The following TIGD7 variants were observed in gnomAD, a reference collection of about 807,000 sequenced individuals.
TIGD7 encodes tigger transposable element derived 7.
In TIGD7, 26 loss-of-function variants were observed where a neutral mutation model predicts 24.8. That is an observed-to-expected ratio of 1.05 (90% CI 0.77 to 1.45). TIGD7 has a LOEUF of 1.45. Ranked by LOEUF, TIGD7 falls within the 40% of genes most tolerant of loss-of-function variation. The pLI is 0.00. For synonymous variants in TIGD7, 221 were observed against 224.1 expected (o/e 0.99, Z 0.12); for missense variants, 679 against 641.6 (o/e 1.06, Z -0.63).
Position 3,300,641 on chromosome 16 carries a change from A to T in TIGD7, c.-27T>A, listed in dbSNP as rs2150779870. On this transcript the variant is annotated 5_prime_UTR_variant, in exon 2 of 2. Transcript: ENST00000396862. ...CTGAATTTAACTCTGAACCACCAAC[A>T]GGAGAAAACAAAGGGAAAAGCCTTA... 6.6e-7 allele frequency: 1 copy of T among 1,526,182 alleles called. No individual in the cohort carries two copies. 94.5% of individuals were successfully genotyped at this position (1,526,182 alleles called of 1,614,324 possible).
chr16:3,303,957 C>G (rs1270597122), intron 1 of TIGD7: 2 of 152,192 alleles, frequency 1.3e-5, no homozygotes, highest in African/African-American at 2.4e-5. Flanking sequence ...CTCAGCCTCC[C>G]GAGTAGCTGG....
chr16:3,299,991 T>C lies in TIGD7; in HGVS notation c.624A>G (p.Glu208=), dbSNP rs971416938. 5.0e-6 allele frequency: 8 copies of C among 1,614,108 alleles called. No individual in the cohort carries two copies. The highest frequency in any genetic ancestry group is 6.8e-6 in the Non-Finnish European group (8 of 1,179,986). Residue 208 remains glutamate (E), a synonymous_variant, in exon 2 of 2, where the codon GAA becomes GAG. Transcript: ENST00000396862. The part of the protein sequence containing the change: ...ICLPGKKINK[E]RLSAFLCANA... The stretch of plus-strand genomic sequence containing the variant: ...TTGCACATAAAAAGGCAGACAACCT[T>C]TCTTTGTTTATTTTCTTCCCTGGTA...
chr16:3,300,691 C>T lies in TIGD7; in HGVS notation c.-77G>A, dbSNP rs1184511567. 9 of 1,508,548 alleles carry T rather than the reference C, an allele frequency of 6.0e-6. No individual in the cohort carries two copies. The highest frequency in any genetic ancestry group is 2.4e-5 in the Admixed American group (1 of 41,792). The allele number at this position is 1,508,548 out of a possible 1,614,324, so 93.4% of individuals were successfully genotyped here. A position where few individuals can be genotyped will look rare whatever the true frequency, so the allele number is the denominator to read the frequency against. On this transcript the variant is annotated 5_prime_UTR_variant, in exon 2 of 2. In the 5' UTR this introduces an upstream ATG that the reference lacks. Coordinates refer to ENST00000396862, the MANE Select transcript of TIGD7 (RefSeq NM_033208.4). ...AATGAATTGGCAAAAAAAAAACCCA[C>T]ATTTTTTAAACAAAACTTAGCTGAA...
At position 3,299,039 on chromosome 16, in the gene TIGD7, T is replaced by C; in HGVS notation, c.1576A>G (p.Ser526Gly). 1 of 1,380,772 alleles carries C rather than the reference T, an allele frequency of 7.2e-7. No individual in the cohort carries two copies. Among genetic ancestry groups the C allele is most frequent in the Non-Finnish European group, 9.4e-7 (1 of 1,060,920 alleles). The allele number at this position is 1,380,772 out of a possible 1,614,324, so 85.5% of individuals were successfully genotyped here. A position where few individuals can be genotyped will look rare whatever the true frequency, so the allele number is the denominator to read the frequency against. Residue 526 changes from serine (S) to glycine (G), a missense_variant, in exon 2 of 2, where the codon AGC becomes GGC. Coordinates refer to ENST00000396862, the MANE Select transcript of TIGD7 (RefSeq NM_033208.4). ...TTATGAGGCCTAGGTTTCAAAAAGCTACCAATTCTAGAATGGATTTTACTC... is the reference window on the plus strand; with the variant it reads ...TTATGAGGCCTAGGTTTCAAAAAGCCACCAATTCTAGAATGGATTTTACTC... ...FQSKIHSRIG[S>G]FLKPRPHNIK...
Position 3,301,914 on chromosome 16 carries a change from G to T in TIGD7, c.-1300C>A, listed in dbSNP as rs1475437888. The T allele has an allele frequency of 6.0e-6, 1 of 167,012 alleles. No individual in the cohort carries two copies. Among genetic ancestry groups the T allele is most frequent in the Non-Finnish European group, 1.5e-5 (1 of 68,126 alleles). The allele number at this position is 167,012 out of a possible 1,614,324, so 10.3% of individuals were successfully genotyped here. A position where few individuals can be genotyped will look rare whatever the true frequency, so the allele number is the denominator to read the frequency against. ...TCCCCAAAGCCATTCCAGGTCCTTAGAAATGTCTTAGTCTAGATTAATTTC... is the reference window on the plus strand; with the variant it reads ...TCCCCAAAGCCATTCCAGGTCCTTATAAATGTCTTAGTCTAGATTAATTTC... On this transcript the variant is annotated 5_prime_UTR_variant, in exon 2 of 2. Transcript: ENST00000396862.
In TIGD7 at chr16:3,300,378, A is replaced by C; in HGVS notation, c.237T>G (p.Asp79Glu). Reference sequence around the variant, plus strand: ...ACCACATGTAGACCGCATCATCTACATCACCATATTTGGCTCCCGTTGTCC... The same window carrying C: ...ACCACATGTAGACCGCATCATCTACCTCACCATATTTGGCTCCCGTTGTCC... ...RKRTTGAKYG[D>E]VDDAVYMWYQ... Residue 79 changes from aspartate (D) to glutamate (E), a missense_variant, in exon 2 of 2, where the codon GAT becomes GAG. Physicochemically the swap from Asp to Glu is conservative, Grantham distance 45 (BLOSUM62 2). Transcript: ENST00000396862. 1.2e-6 allele frequency: 2 copies of C among 1,614,222 alleles called. No individual in the cohort carries two copies. Among genetic ancestry groups the C allele is most frequent in the Non-Finnish European group, 1.7e-6 (2 of 1,180,038 alleles).
Position 3,299,751 on chromosome 16 carries a change from G to A in TIGD7, c.864C>T (p.Asp288=), listed in dbSNP as rs143146510. The A allele has an allele frequency of 8.3e-5, 129 of 1,545,996 alleles. No homozygotes were observed. Among genetic ancestry groups the A allele is most frequent in the Middle Eastern group, 3.5e-4 (2 of 5,742 alleles). ...QLNVLRFHDE[D]VRALLLLDSC... ...TGTCCAGAAGTAACAATGCCCTGACGTCCTCGTCATGAAATCTTAGAACAT... is the reference window on the plus strand; with the variant it reads ...TGTCCAGAAGTAACAATGCCCTGACATCCTCGTCATGAAATCTTAGAACAT... Residue 288 remains aspartate, a synonymous_variant, in exon 2 of 2, where the codon GAC becomes GAT. Transcript: ENST00000396862.
chr16:3,304,722 A>C (rs961615090), intron 1 of TIGD7: 1 of 152,208 alleles, frequency 6.6e-6, no homozygotes, highest in African/African-American at 2.4e-5. Flanking sequence ...TCAGATTCTT[A>C]TAACTATGAT....
At chr16:3,303,848 T>C (rs1960017323) in intron 1 of TIGD7, 1 of 152,478 alleles carries the variant, frequency 6.6e-6, no homozygotes, top group Non-Finnish European at 1.5e-5. Flanking sequence ...TGTTTTGTTT[T>C]TTGCGACGGA....
At chr16:3,304,568 G>A (rs1422626307) in intron 1 of TIGD7, among the ~76,000 whole-genome samples, 1 of 152,174 alleles carries the variant, frequency 6.6e-6, no homozygotes, top group African/African-American at 2.4e-5. Flanking sequence ...TTAATAAATA[G>A]TCCCTTGACT....
chr16:3,303,818 T>A (rs1253382569), intron 1 of TIGD7: 1 of 152,154 alleles, frequency 6.6e-6, no homozygotes, highest in Non-Finnish European at 1.5e-5. Flanking sequence ...TGCTCCAGGA[T>A]TTACTTTTTT....
Position 3,299,116 on chromosome 16 carries a change from A to T in TIGD7, c.1499T>A (p.Phe500Tyr). Reference protein sequence around the residue: ...FVDATPEFQRFHFTLKEMQQE... With the variant: ...FVDATPEFQRYHFTLKEMQQE... ...TTGCATCTCTTTCAGTGTGAAGTGG[A>T]ATCTCTGAAACTCAGGTGTGGCATC... is the stretch of plus-strand genomic sequence containing the variant. The change falls in exon 2 of 2, where the codon TTC (phenylalanine) becomes TAC (tyrosine). Residue 500 changes from phenylalanine (F) to tyrosine (Y), a missense_variant. By Grantham distance (22) the Phe-to-Tyr change is conservative. Transcript: ENST00000396862. 6.8e-7 allele frequency: 1 copy of T among 1,459,894 alleles called. No homozygotes were observed. The highest frequency in any genetic ancestry group is 9.0e-7 in the Non-Finnish European group (1 of 1,106,974). The allele number at this position is 1,459,894 out of a possible 1,614,324, so 90.4% of individuals were successfully genotyped here. A position where few individuals can be genotyped will look rare whatever the true frequency, so the allele number is the denominator to read the frequency against.
In TIGD7 at chr16:3,299,872, A is replaced by G; in HGVS notation, c.743T>C (p.Ile248Thr). 6.3e-7 allele frequency: 1 copy of G among 1,599,922 alleles called. No individual in the cohort carries two copies. Among genetic ancestry groups the G allele is most frequent in the East Asian group, 2.2e-5 (1 of 44,778 alleles). ...CCAAACATCTTTACTGGGTTTATAT[A>G]TCACAGGCAATGTACTTGTGTCCTC... Reference protein sequence around the residue: ...VKEDTSTLPVIYKPSKDVWFT... With the variant: ...VKEDTSTLPVTYKPSKDVWFT... The change falls in exon 2 of 2, where the codon ATA becomes ACA. Residue 248 changes from isoleucine to threonine, a missense_variant. Ile to Thr is a moderately conservative substitution (Grantham distance 89, BLOSUM62 -1). Coordinates refer to ENST00000396862, the MANE Select transcript of TIGD7 (RefSeq NM_033208.4).
Position 3,299,106 on chromosome 16 carries a change from T to C in TIGD7, c.1509A>G (p.Thr503=). ...ATPEFQRFHF[T]LKEMQQEIVK... is the part of the protein sequence containing the mutation. The stretch of plus-strand genomic sequence containing the variant: ...CTATTTCTTGTTGCATCTCTTTCAG[T>C]GTGAAGTGGAATCTCTGAAACTCAG... Residue 503 remains threonine (T), a synonymous_variant, in exon 2 of 2, where the codon ACA becomes ACG. Transcript: ENST00000396862. 1 of 1,451,144 alleles carries C rather than the reference T, an allele frequency of 6.9e-7. No individual in the cohort carries two copies. Among genetic ancestry groups the C allele is most frequent in the Non-Finnish European group, 9.1e-7 (1 of 1,102,114 alleles). The allele number at this position is 1,451,144 out of a possible 1,614,324, so 89.9% of individuals were successfully genotyped here.
intron 1 of TIGD7, among the ~76,000 whole-genome samples, chr16:3,303,294 G>A (rs951270280): frequency 2.6e-5 from 4 of 152,192 alleles, no homozygotes; most frequent in African/African-American, 9.6e-5. Context: ...TTCACAATTT[G>A]TGCCTTGCTG....
chr16:3,299,132 G>A lies in TIGD7; in HGVS notation c.1483C>T (p.Pro495Ser), dbSNP rs760069622. The part of the protein sequence containing the change: ...DYLLDFVDAT[P>S]EFQRFHFTLK... Reference sequence around the variant, plus strand: ...GTGAAGTGGAATCTCTGAAACTCAGGTGTGGCATCAACAAAGTCAAGAAGG... The same window carrying A: ...GTGAAGTGGAATCTCTGAAACTCAGATGTGGCATCAACAAAGTCAAGAAGG... The change falls in exon 2 of 2, where the codon CCT becomes TCT. Residue 495 changes from proline (P) to serine (S), a missense_variant. Coordinates refer to ENST00000396862, the MANE Select transcript of TIGD7 (RefSeq NM_033208.4). 1 of 1,480,116 alleles carries A rather than the reference G, an allele frequency of 6.8e-7. No individual in the cohort carries two copies. Among genetic ancestry groups the A allele is most frequent in the Non-Finnish European group, 8.9e-7 (1 of 1,117,528 alleles). The allele number at this position is 1,480,116 out of a possible 1,614,324, so 91.7% of individuals were successfully genotyped here. A position where few individuals can be genotyped will look rare whatever the true frequency, so the allele number is the denominator to read the frequency against.
chr16:3,300,201 T>C lies in TIGD7; in HGVS notation c.414A>G (p.Arg138=). The change falls in exon 2 of 2, where the codon CGA becomes CGG. Residue 138 remains arginine (R), a synonymous_variant. Transcript: ENST00000396862. ...TTAGGACTTGTTCCCCACATCCTTT[T>C]CGGTTCCCAATTGCATGCCGATTTC... ...RFRNRHAIGN[R]KGCGEQVLSS... The C allele has an allele frequency of 6.2e-7, 1 of 1,614,248 alleles. No individual in the cohort carries two copies. Among genetic ancestry groups the C allele is most frequent in the East Asian group, 2.2e-5 (1 of 44,892 alleles).
At position 3,299,686 on chromosome 16, in the gene TIGD7, T is replaced by C. The variant is rs1450098209; in HGVS notation, c.929A>G (p.Glu310Gly). 3 of 1,542,182 alleles carry C rather than the reference T, an allele frequency of 1.9e-6. No individual in the cohort carries two copies. The East Asian group carries it at 6.8e-5, about 35-fold the overall frequency. Residue 310 changes from glutamate (E) to glycine (G), a missense_variant, in exon 2 of 2, where the codon GAG (glutamate) becomes GGG (glycine). Coordinates refer to ENST00000396862, the MANE Select transcript of TIGD7 (RefSeq NM_033208.4). ...GAACATACATTTTATTCGACCATCC[T>C]CACTGGTTAGGGATTCAGAGGAAGG... ...AHPSSESLTS[E>G]DGRIKCMFFP...
In TIGD7 at chr16:3,299,781, T is replaced by C; in HGVS notation, c.834A>G (p.Gln278=). The change falls in exon 2 of 2, where the codon CAA becomes CAG. Residue 278 remains glutamine, a synonymous_variant. Transcript: ENST00000396862. ...CGTCATGAAATCTTAGAACATTAAG[T>C]TGAAAATGTCGGACCTCAGGAACAA... The part of the protein sequence containing the change: ...QNFVPEVRHF[Q]LNVLRFHDED... 1 of 1,568,488 alleles carries C rather than the reference T, an allele frequency of 6.4e-7. No individual in the cohort carries two copies. The highest frequency in any genetic ancestry group is 8.6e-7 in the Non-Finnish European group (1 of 1,162,618).
Sources: gnomAD v4.1 joint callset for allele counts (sites outside exome capture counted in the v4.1 genomes callset) on GRCh38, gnomAD v4.1.1 for gene constraint, MANE v1.5 for transcripts, NCBI Gene and HGNC (gene_info 2026-07-23, HGNC 2026-07-21) for gene names.